TANGO2: variants seen among roughly 807,000 people sequenced by gnomAD.
TANGO2 encodes transport and golgi organization 2 homolog.
A neutral mutation model predicts 39.1 loss-of-function variants in TANGO2; 26 were observed. The ratio of observed to expected loss-of-function variants is 0.67; its 90% confidence interval spans 0.49 to 0.92. The LOEUF is 0.92. TANGO2 is among the 40% of genes least tolerant of loss of function. TANGO2 has a pLI of 0.00. For missense variants in TANGO2, 326 were observed against 360.1 expected (o/e 0.91, Z 0.77); for synonymous variants, 131 against 144.5 (o/e 0.91, Z 0.67).
intron 3 of TANGO2, among the ~76,000 whole-genome samples, chr22:20,049,538 TA>T (rs1318484795): frequency 1.3e-5 from 2 of 151,710 alleles, no homozygotes; most frequent in Non-Finnish European, 2.9e-5. Context: ...TCCATGCCTG[TA>T]ATCCCAGCTA....
At chr22:20,061,444 C>A in intron 6 of TANGO2, 86 bp from the exon 7 acceptor site, 1 of 1,448,286 alleles carries the variant, frequency 6.9e-7, no homozygotes, top group South Asian at 1.4e-5. Context: ...CCCAGCTGTA[C>A]CCCGTGTTAG....
chr22:20,023,167 A>G (rs2040039901), intron 1 of TANGO2, among the ~76,000 whole-genome samples: 1 of 152,246 alleles, frequency 6.6e-6, no homozygotes, highest in Non-Finnish European at 1.5e-5. Flanking sequence ...TCCTTCTCCC[A>G]GCGGCTGCTC....
intron 2 of TANGO2, among the ~76,000 whole-genome samples, chr22:20,038,840 AG>A (rs2043339222): frequency 6.6e-6 from 1 of 152,026 alleles, no homozygotes; most frequent in Admixed American, 6.6e-5. Context: ...GCACTTTGGG[AG>A]GCCTCGTACA....
At chr22:20,056,246 C>CT (rs1459947818) in intron 6 of TANGO2, 2 of 683,014 alleles carry the variant, frequency 2.9e-6, no homozygotes, top group Non-Finnish European at 5.4e-6. Flanking sequence ...AGGTGCGCCC[C>CT]TGTTCTGGGC....
chr22:20,042,372 T>G (rs2044125688), intron 2 of TANGO2, among the ~76,000 whole-genome samples: 1 of 152,192 alleles, frequency 6.6e-6, no homozygotes, highest in Non-Finnish European at 1.5e-5. Flanking sequence ...TCCTTATTTG[T>G]TTTCTTCTAA....
At chr22:20,020,000 C>T (rs1298106929), upstream of TANGO2, among the ~76,000 whole-genome samples, 1 of 152,248 alleles carries the variant, frequency 6.6e-6, no homozygotes, top group African/African-American at 2.4e-5. Context: ...AGGTTAGACT[C>T]TTGCCGTTGC....
intron 1 of TANGO2, among the ~76,000 whole-genome samples, chr22:20,027,217 GTGTTAAAC>G (rs1189790821): frequency 1.3e-5 from 2 of 152,186 alleles, no homozygotes; most frequent in Non-Finnish European, 2.9e-5. Flanking sequence ...GGGGGGGATG[GTGTTAAAC>G]TTTCATGAGA....
At chr22:20,039,035 G>A (rs116356549) in intron 2 of TANGO2, among the ~76,000 whole-genome samples, 2,236 of 151,628 alleles carry the variant, frequency 0.015, 50 homozygotes, top group African/African-American at 0.051. Flanking sequence ...CAAACTCGCC[G>A]GCTCAAGCGA....
In TANGO2 at chr22:20,052,646, C is replaced by T; in HGVS notation, c.265+62C>T. 5 of 1,529,996 alleles carry T rather than the reference C, an allele frequency of 3.3e-6. No individual in the cohort carries two copies. The South Asian group carries it at 6.1e-5, about 19-fold the overall frequency. The allele number at this position is 1,529,996 out of a possible 1,614,324, so 94.8% of individuals were successfully genotyped here. A position where few individuals can be genotyped will look rare whatever the true frequency, so the allele number is the denominator to read the frequency against. Reference sequence around the variant, plus strand: ...TGGGGTGGGGCAGGCCTAGGTGAGACAAGGTGGGGCCAAGGGACTACAGGA... The same window carrying T: ...TGGGGTGGGGCAGGCCTAGGTGAGATAAGGTGGGGCCAAGGGACTACAGGA... On this transcript the variant is annotated intron_variant, in intron 4 of 8. Coordinates refer to ENST00000327374, the MANE Select transcript of TANGO2 (RefSeq NM_152906.7).
intron 3 of TANGO2, among the ~76,000 whole-genome samples, chr22:20,049,045 A>G (rs777846292): frequency 3.5e-4 from 54 of 152,162 alleles, no homozygotes; most frequent in Non-Finnish European, 6.9e-4. Flanking sequence ...AGGAAAATAT[A>G]TAACAATATT....
chr22:20,018,741 G>A (rs553364187), upstream of TANGO2, among the ~76,000 whole-genome samples: 3 of 152,282 alleles, frequency 2.0e-5, no homozygotes, highest in East Asian at 5.8e-4. Flanking sequence ...ACTCAGGACC[G>A]CTGTCCAGCA....
At chr22:20,033,611 G>A (rs559077345) in intron 1 of TANGO2, among the ~76,000 whole-genome samples, 1 of 152,354 alleles carries the variant, frequency 6.6e-6, no homozygotes, top group East Asian at 1.9e-4. Flanking sequence ...CCAGGCCAGT[G>A]GGATTCCAGT....
chr22:20,053,640 G>C (rs761304532), intron 5 of TANGO2, 89 bp downstream of exon 5: 1 of 852,768 alleles, frequency 1.2e-6, no homozygotes, highest in African/African-American at 1.6e-5. Context: ...TTCCACTGGG[G>C]GCTGTGGCAG....
At chr22:20,039,229 C>T (rs538215633) in intron 2 of TANGO2, among the ~76,000 whole-genome samples, 84 of 151,902 alleles carry the variant, frequency 5.5e-4, no homozygotes, top group Middle Eastern at 3.4e-3. Flanking sequence ...CCACCATGCC[C>T]GGCCTCGGCC....
Position 20,063,406 on chromosome 22 carries a change from C to A in TANGO2, c.674C>A (p.Ala225Glu), listed in dbSNP as rs759993183. 1 of 1,613,394 alleles carries A rather than the reference C, an allele frequency of 6.2e-7. No homozygotes were observed. Among genetic ancestry groups the A allele is most frequent in the Non-Finnish European group, 8.5e-7 (1 of 1,179,848 alleles). The change falls in exon 8 of 9, where the codon GCG (alanine) becomes GAG (glutamate). Residue 225 changes from alanine to glutamate, a missense_variant. Transcript: ENST00000327374. ...GTGCAGCCCATGCTGAGCAAGTACG[C>A]GGCTGTGTGCGTGCGCTGCCCTGGC... Reference protein sequence around the residue: ...EYVQPMLSKYAAVCVRCPGYG... With the variant: ...EYVQPMLSKYEAVCVRCPGYG...
chr22:20,049,599 G>A (rs1208783753), intron 3 of TANGO2, among the ~76,000 whole-genome samples: 1 of 151,508 alleles, frequency 6.6e-6, no homozygotes, highest in East Asian at 1.9e-4. Context: ...GGCGGAGGTT[G>A]CGGTGAGCTG....
At position 20,052,342 on chromosome 22, in the gene TANGO2, G is replaced by A. The variant is rs569610307; in HGVS notation, c.146-123G>A. The A allele has an allele frequency of 7.2e-4, 1,027 of 1,416,856 alleles. 4 individuals carry two copies. Among genetic ancestry groups the A allele is most frequent in the Middle Eastern group, 2.0e-3 (9 of 4,538 alleles). The allele number at this position is 1,416,856 out of a possible 1,614,324, so 87.8% of individuals were successfully genotyped here. On this transcript the variant is annotated intron_variant, in intron 3 of 8. Coordinates refer to ENST00000327374, the MANE Select transcript of TANGO2 (RefSeq NM_152906.7). ...CTGGGGCTGCTGGGCCAAGCCGCAT[G>A]TCGAACGTCCTCGAGGAGCTTGAGG...
Position 20,050,357 on chromosome 22 carries a change from G to GTTTTTTTTTTTTTT in TANGO2, c.146-2108_146-2107insTTTTTTTTTTTTTT, listed in dbSNP as rs1491540119. ...ATTTTTCATTAAATATTTTCCTGGT[G>GTTTTTTTTTTTTTT]GTTTTTTTTTTTTTTTTTTTTTTTG... On this transcript the variant is annotated intron_variant, in intron 3 of 8. Transcript: ENST00000327374. Among the ~76,000 whole-genome samples the GTTTTTTTTTTTTTT allele has an allele frequency of 7.2e-5, 5 of 69,204 alleles. 1 individual carries two copies. Among genetic ancestry groups the GTTTTTTTTTTTTTT allele is most frequent in the East Asian group, 6.9e-4 (1 of 1,452 alleles). 45.4% of individuals were successfully genotyped at this position (69,204 alleles called of 152,430 possible).
rs769326660 is a variant in TANGO2, at chr22:20,041,985, CT to C, written c.57-1355del. ...GTGCTCAGGGGGTCTTCAGCCATCA[CT>C]TTTTTTTTTTTTTTAGAGACAGGGC... On this transcript the variant is annotated intron_variant, in intron 2 of 8. Coordinates refer to ENST00000327374, the MANE Select transcript of TANGO2 (RefSeq NM_152906.7). 6.5e-3 allele frequency among the ~76,000 whole-genome samples: 915 copies of C among 141,626 alleles called. 1 individual carries two copies. Among genetic ancestry groups the C allele is most frequent in the African/African-American group, 9.5e-3 (368 of 38,884 alleles). The allele number at this position is 141,626 out of a possible 152,430, so 92.9% of individuals were successfully genotyped here. A position where few individuals can be genotyped will look rare whatever the true frequency, so the allele number is the denominator to read the frequency against.
Sources: allele counts gnomAD v4.1 joint callset (sites outside exome capture counted in the v4.1 genomes callset), GRCh38; gene constraint gnomAD v4.1.1; transcripts MANE v1.5; gene names NCBI Gene and HGNC (gene_info 2026-07-23, HGNC 2026-07-21).